The following SPSB4 variants were observed in gnomAD, a reference collection of about 807,000 sequenced individuals.
SPSB4 encodes splA/ryanodine receptor domain and SOCS box containing 4, also known as SPRY domain-containing SOCS box protein 4.
In SPSB4, 21 loss-of-function variants were observed where a neutral mutation model predicts 20.9. The observed-to-expected ratio is 1.01, with a 90% CI of 0.71 to 1.45. The LOEUF (loss-of-function observed/expected upper bound fraction) is 1.45. Among genes scored for constraint, SPSB4 ranks in the 40% most tolerant of loss-of-function variants. SPSB4 has a pLI of 0.00. For missense variants in SPSB4, 399 were observed against 399.2 expected (o/e 1.00, Z 0.00); for synonymous variants, 207 against 183.8 (o/e 1.13, Z -1.02).
At chr3:141,064,876 A>G (rs1028131319) in intron 1 of SPSB4, among the ~76,000 whole-genome samples, 16 of 152,312 alleles carry the variant, frequency 1.1e-4, no homozygotes, top group African/African-American at 2.6e-4. Context: ...CATGAAAACC[A>G]GGATCCTGTC....
intron 1 of SPSB4, among the ~76,000 whole-genome samples, chr3:141,056,834 G>A (rs913924162): frequency 6.6e-6 from 1 of 152,218 alleles, no homozygotes; most frequent in African/African-American, 2.4e-5. Context: ...GACCGGGCTG[G>A]CCCGGACTGC....
intron 2 of SPSB4, among the ~76,000 whole-genome samples, chr3:141,088,183 G>A (rs1938386634): frequency 6.6e-6 from 1 of 152,194 alleles, no homozygotes; most frequent in Non-Finnish European, 1.5e-5. Flanking sequence ...CCCCTGGACT[G>A]CAGAAGCTGT....
intron 2 of SPSB4, among the ~76,000 whole-genome samples, chr3:141,074,660 C>T (rs1454590983): frequency 6.6e-6 from 1 of 152,192 alleles, no homozygotes; most frequent in Non-Finnish European, 1.5e-5. Flanking sequence ...GGCCGCAGCT[C>T]CCCGTGGTGA....
chr3:141,132,005 C>T (rs4683563), intron 2 of SPSB4, among the ~76,000 whole-genome samples: 151,807 of 152,226 alleles, frequency 1, 75,696 homozygotes, highest in Middle Eastern at 1. Context: ...TTTTTCTTTC[C>T]TAATTTCAAG....
chr3:141,111,240 G>A (rs1938792981), intron 2 of SPSB4, among the ~76,000 whole-genome samples: 1 of 151,870 alleles, frequency 6.6e-6, no homozygotes, highest in Non-Finnish European at 1.5e-5. Context: ...ATTTCACTTG[G>A]CGTGAATATT....
chr3:141,103,381 A>G (rs1480274417), intron 2 of SPSB4, among the ~76,000 whole-genome samples: 1 of 152,222 alleles, frequency 6.6e-6, no homozygotes, highest in Non-Finnish European at 1.5e-5. Context: ...AGAGCTTCCC[A>G]TCCAGCTCAC....
In SPSB4 at chr3:141,137,599, G is replaced by T. The variant is rs187375762; in HGVS notation, c.695-9543G>T. Among the ~76,000 whole-genome samples the T allele has an allele frequency of 2.5e-3, 388 of 152,250 alleles. 1 individual carries two copies. Among genetic ancestry groups the T allele is most frequent in the Admixed American group, 5.3e-3 (81 of 15,296 alleles). ...CTGCATCTGTTGAGAAAATCATGTG[G>T]TTTTTGTCATTTGTTCTGTTTATAT... On this transcript the variant is annotated intron_variant, in intron 2 of 2. Coordinates refer to ENST00000310546, the MANE Select transcript of SPSB4 (RefSeq NM_080862.3).
intron 1 of SPSB4, among the ~76,000 whole-genome samples, chr3:141,055,288 G>T (rs1190784132): frequency 2.6e-5 from 4 of 152,162 alleles, no homozygotes; most frequent in African/African-American, 9.7e-5. Context: ...GCCCAGTTCT[G>T]CTTCTGCTAG....
intron 2 of SPSB4, among the ~76,000 whole-genome samples, chr3:141,081,436 G>A (rs1938228654): frequency 6.6e-6 from 1 of 152,234 alleles, no homozygotes; most frequent in South Asian, 2.1e-4. Flanking sequence ...GTGGTCAGCA[G>A]AGTGGCTCCA....
intron 2 of SPSB4, among the ~76,000 whole-genome samples, chr3:141,080,592 G>A (rs6789397): frequency 0.14 from 21,970 of 152,216 alleles, 1,818 homozygotes; most frequent in East Asian, 0.23. Context: ...GGGAAGGGCA[G>A]CACCAGGGCA....
Position 141,066,289 on chromosome 3 carries a change from C to T in SPSB4, c.185C>T (p.Ser62Leu), listed in dbSNP as rs1434272015. 1.3e-6 allele frequency: 2 copies of T among 1,568,002 alleles called. No individual in the cohort carries two copies. The highest frequency in any genetic ancestry group is 1.7e-6 in the Non-Finnish European group (2 of 1,158,270). The change falls in exon 2 of 3, where the codon TCG (serine) becomes TTG (leucine). Residue 62 changes from serine to leucine, a missense_variant. Transcript: ENST00000310546. The part of the protein sequence containing the change: ...LRHAWNPEDR[S>L]LNVFVKDDDR... The stretch of plus-strand genomic sequence containing the variant: ...CACGCGTGGAACCCCGAGGACCGCT[C>T]GCTCAACGTCTTCGTCAAGGACGAC...
At chr3:141,125,845 T>G (rs1939041867) in intron 2 of SPSB4, among the ~76,000 whole-genome samples, 1 of 152,200 alleles carries the variant, frequency 6.6e-6, no homozygotes, top group African/African-American at 2.4e-5. Flanking sequence ...GGAGTTTAAA[T>G]AAATATTACT....
intron 2 of SPSB4, among the ~76,000 whole-genome samples, chr3:141,078,610 C>T (rs1938162613): frequency 6.6e-6 from 1 of 152,244 alleles, no homozygotes; most frequent in Non-Finnish European, 1.5e-5. Context: ...AGGGGCTTTC[C>T]TCTCCAAAGG....
intron 2 of SPSB4, among the ~76,000 whole-genome samples, chr3:141,129,849 A>G (rs1313366749): frequency 6.6e-6 from 1 of 152,232 alleles, no homozygotes; most frequent in African/African-American, 2.4e-5. Context: ...TTCCTGTGCA[A>G]CACTCCTCTG....
At chr3:141,109,165 C>T (rs747249423) in intron 2 of SPSB4, among the ~76,000 whole-genome samples, 1 of 152,116 alleles carries the variant, frequency 6.6e-6, no homozygotes, top group Admixed American at 6.5e-5. Flanking sequence ...CAGAGGCAAC[C>T]GATGCTGTCA....
chr3:141,072,824 C>T (rs1279197753), intron 2 of SPSB4, among the ~76,000 whole-genome samples: 2 of 152,278 alleles, frequency 1.3e-5, no homozygotes, highest in East Asian at 1.9e-4. Context: ...CCCATCCGCT[C>T]CTGCTGGCAG....
At chr3:141,117,375 G>C (rs2107800212) in intron 2 of SPSB4, among the ~76,000 whole-genome samples, 1 of 152,308 alleles carries the variant, frequency 6.6e-6, no homozygotes, top group Middle Eastern at 3.4e-3. Context: ...ACCACGCTAA[G>C]TTCCAAGCAG....
chr3:141,127,289 G>C (rs931372073), intron 2 of SPSB4, among the ~76,000 whole-genome samples: 2 of 152,222 alleles, frequency 1.3e-5, no homozygotes, highest in African/African-American at 4.8e-5. Flanking sequence ...AAGGGTTCAG[G>C]TCTCCAGACC....
rs781137093 is a variant in SPSB4, at chr3:141,147,171, C to T, written c.724C>T (p.Arg242Trp). ...GCCCCTGCCACTGATGGACCTGTGCCGGAGATCCATCCGCTCGGCCCTGGG... is the reference window on the plus strand; with the variant it reads ...GCCCCTGCCACTGATGGACCTGTGCTGGAGATCCATCCGCTCGGCCCTGGG... ...PEPLPLMDLC[R>W]RSIRSALGRQ... is the part of the protein sequence containing the mutation. The change falls in exon 3 of 3, where the codon CGG becomes TGG. Residue 242 changes from arginine to tryptophan, a missense_variant. Coordinates refer to ENST00000310546, the MANE Select transcript of SPSB4 (RefSeq NM_080862.3). 1.2e-5 allele frequency: 20 copies of T among 1,614,068 alleles called. No homozygotes were observed. Among genetic ancestry groups the T allele is most frequent in the East Asian group, 4.5e-5 (2 of 44,892 alleles).
Sources: gnomAD v4.1 joint callset for allele counts (sites outside exome capture counted in the v4.1 genomes callset) on GRCh38, gnomAD v4.1.1 for gene constraint, MANE v1.5 for transcripts, NCBI Gene and HGNC (gene_info 2026-07-23, HGNC 2026-07-21) for gene names.